Variants in SRRM4 observed in about 807,000 individuals in gnomAD.
SRRM4 encodes the protein serine/arginine repetitive matrix 4.
Under a neutral mutation model 68.9 loss-of-function variants are expected in SRRM4, and 33 were observed. The observed-to-expected ratio is 0.48, with a 90% CI of 0.36 to 0.64. The LOEUF is 0.64. SRRM4 is among the 30% of genes least tolerant of loss of function. The pLI is 0.00. For missense variants in SRRM4, 817 were observed against 827.1 expected (o/e 0.99, Z 0.15); for synonymous variants, 318 against 318.8 (o/e 1.00, Z 0.03).
intron 12 of SRRM4, among the ~76,000 whole-genome samples, chr12:119,155,182 A>G (rs1297010202): frequency 6.6e-6 from 1 of 152,252 alleles, no homozygotes; most frequent in Non-Finnish European, 1.5e-5. Flanking sequence ...CGTTCCTGGA[A>G]CAGGTAAGGC....
rs1954482102 is a variant in SRRM4, at chr12:119,157,546, C to G, written c.*748C>G. 1 of 152,370 alleles carries G rather than the reference C, an allele frequency of 6.6e-6. No homozygotes were observed. Among genetic ancestry groups the G allele is most frequent in the Admixed American group, 6.5e-5 (1 of 15,284 alleles). The allele number at this position is 152,370 out of a possible 1,614,324, so 9.4% of individuals were successfully genotyped here. On this transcript the variant is annotated 3_prime_UTR_variant, in exon 13 of 13. Coordinates refer to ENST00000267260, the MANE Select transcript of SRRM4 (RefSeq NM_194286.4). The surrounding 1 kb of genome is among the most constrained non-coding windows in gnomAD (Gnocchi z 4.1). The stretch of plus-strand genomic sequence containing the variant: ...CAGCTGTGAAGAGGCCACTGCATGG[C>G]TGACACAAAACACCTCTTGGCCATT...
intron 9 of SRRM4, among the ~76,000 whole-genome samples, chr12:119,149,935 G>A (rs1372966839): frequency 6.6e-6 from 1 of 152,108 alleles, no homozygotes; most frequent in East Asian, 1.9e-4. Context: ...AGGCAGGGTG[G>A]GAGTACAGAA....
intron 1 of SRRM4, among the ~76,000 whole-genome samples, chr12:119,098,990 A>G (rs1954061504): frequency 6.6e-6 from 1 of 151,990 alleles, no homozygotes; most frequent in African/African-American, 2.4e-5. Context: ...ATCGTTCTCA[A>G]AGGTAATCCA....
intron 1 of SRRM4, among the ~76,000 whole-genome samples, chr12:119,068,004 C>A (rs1032370771): frequency 6.6e-6 from 1 of 152,214 alleles, no homozygotes; most frequent in African/African-American, 2.4e-5. Flanking sequence ...GTGGCACACA[C>A]CTTACCTAGC....
chr12:119,011,781 C>T (rs1333150580), intron 1 of SRRM4, among the ~76,000 whole-genome samples: 1 of 152,128 alleles, frequency 6.6e-6, no homozygotes, highest in African/African-American at 2.4e-5. Context: ...AATAGGGAGA[C>T]CAGTGCCATT....
At chr12:118,997,070 G>A (rs1213313232) in intron 1 of SRRM4, among the ~76,000 whole-genome samples, 1 of 152,196 alleles carries the variant, frequency 6.6e-6, no homozygotes, top group African/African-American at 2.4e-5. Flanking sequence ...CAGCAAGAAG[G>A]TTATCCATGA....
intron 1 of SRRM4, among the ~76,000 whole-genome samples, chr12:119,010,065 T>C (rs1953439266): frequency 6.6e-6 from 1 of 152,216 alleles, no homozygotes; most frequent in South Asian, 2.1e-4. Flanking sequence ...AAATATTTTC[T>C]TTCCTGAGAC....
chr12:119,125,260 C>A, intron 6 of SRRM4, 121 bp from the exon 7 acceptor site: 2 of 871,544 alleles, frequency 2.3e-6, no homozygotes, highest in Non-Finnish European at 3.6e-6. Context: ...AGATGGAGAA[C>A]TTCGGGAGGG....
chr12:119,068,507 T>A (rs1214447168), intron 1 of SRRM4, among the ~76,000 whole-genome samples: 3 of 152,194 alleles, frequency 2.0e-5, no homozygotes, highest in Non-Finnish European at 4.4e-5. Context: ...GCAGCTGCAG[T>A]GAGGGTGGGG....
chr12:119,060,235 G>A (rs143595211), intron 1 of SRRM4, among the ~76,000 whole-genome samples: 19 of 151,690 alleles, frequency 1.3e-4, no homozygotes, highest in African/African-American at 4.1e-4. Context: ...ATTAATATAC[G>A]ATGCACAAAC....
chr12:119,107,556 A>G (rs1384253083), intron 2 of SRRM4, among the ~76,000 whole-genome samples: 2 of 152,166 alleles, frequency 1.3e-5, no homozygotes, highest in Non-Finnish European at 1.5e-5. Flanking sequence ...GGGAGGGTCT[A>G]TGTGTCCAGG....
intron 1 of SRRM4, among the ~76,000 whole-genome samples, chr12:119,021,269 G>GA (rs979758352): frequency 4.6e-5 from 7 of 151,630 alleles, no homozygotes; most frequent in African/African-American, 1.2e-4. Context: ...TTTACTTAAG[G>GA]AAAAAAAAGA....
chr12:119,073,474 C>G (rs981763503), intron 1 of SRRM4, among the ~76,000 whole-genome samples: 3 of 151,984 alleles, frequency 2.0e-5, no homozygotes, highest in Non-Finnish European at 4.4e-5. Context: ...ATTACAGGCA[C>G]CTGCCATGCC....
rs1381728860 is a variant in SRRM4 at position 119,130,797 on chromosome 12, C to A, written c.734C>A (p.Pro245His). ...CAGTCCAGTCGCCCGCCCAGTCAACCCCTCCAGATGCTTGGCTACCTGTCA... is the reference window on the plus strand; with the variant it reads ...CAGTCCAGTCGCCCGCCCAGTCAACACCTCCAGATGCTTGGCTACCTGTCA... ...EAQSSRPPSQ[P>H]LQMLGYLSAR... The change falls in exon 8 of 13, where the codon CCC (proline) becomes CAC (histidine). Residue 245 changes from proline to histidine, a missense_variant. Coordinates refer to ENST00000267260, the MANE Select transcript of SRRM4 (RefSeq NM_194286.4). 3.1e-6 allele frequency: 5 copies of A among 1,608,104 alleles called. No homozygotes were observed. Among genetic ancestry groups the A allele is most frequent in the Admixed American group, 1.7e-5 (1 of 59,968 alleles).
At chr12:119,030,747 A>T (rs1420513447) in intron 1 of SRRM4, among the ~76,000 whole-genome samples, 1 of 152,200 alleles carries the variant, frequency 6.6e-6, no homozygotes, top group African/African-American at 2.4e-5. Flanking sequence ...TTTCATAAAT[A>T]CTATTTTCAT....
At chr12:119,045,622 A>G (rs981357960) in intron 1 of SRRM4, among the ~76,000 whole-genome samples, 4 of 152,056 alleles carry the variant, frequency 2.6e-5, no homozygotes, top group Non-Finnish European at 4.4e-5. Flanking sequence ...TGCCGATTCC[A>G]GGGACCTGTA....
At chr12:119,059,871 T>C (rs1263121075) in intron 1 of SRRM4, among the ~76,000 whole-genome samples, 1 of 152,194 alleles carries the variant, frequency 6.6e-6, no homozygotes, top group Non-Finnish European at 1.5e-5. Flanking sequence ...GACTGAAATG[T>C]CCAGAATCTC....
chr12:119,093,428 G>A (rs1421674778), intron 1 of SRRM4, among the ~76,000 whole-genome samples: 1 of 152,082 alleles, frequency 6.6e-6, no homozygotes, highest in Non-Finnish European at 1.5e-5. Flanking sequence ...TTAAGCTTAG[G>A]GCTTCTTTCC....
chr12:119,146,942 A>C (rs1209373758), intron 9 of SRRM4, among the ~76,000 whole-genome samples: 1 of 152,184 alleles, frequency 6.6e-6, no homozygotes, highest in Non-Finnish European at 1.5e-5. Flanking sequence ...TCTCAAAAAA[A>C]AAAAAGAACA....
Sources: gnomAD v4.1 joint callset for allele counts (sites outside exome capture counted in the v4.1 genomes callset) on GRCh38, gnomAD v4.1.1 for gene constraint, Gnocchi (gnomAD v3.1) non-coding constraint, MANE v1.5 for transcripts, NCBI Gene and HGNC (gene_info 2026-07-23, HGNC 2026-07-21) for gene names.